Variants in PARD3 observed in about 807,000 individuals in gnomAD.
PARD3 encodes the protein par-3 family cell polarity regulator.
PARD3 carries 75 observed loss-of-function variants against 155.4 expected under a neutral mutation model. The ratio of observed to expected loss-of-function variants is 0.48; its 90% CI spans 0.40 to 0.58. The LOEUF (loss-of-function observed/expected upper bound fraction) is 0.58, where lower values mean the gene tolerates loss of function less well. Ranked by LOEUF, PARD3 falls within the 20% of genes least tolerant of loss-of-function variation. The probability of loss-of-function intolerance (pLI) is 0.00; values close to 1 mark genes in which losing one functional copy is unlikely to be tolerated. For synonymous variants in PARD3, 576 were observed against 610.5 expected, an observed-to-expected ratio of 0.94 and a Z score of 0.83; for missense variants, 1,642 against 1,721.7, an observed-to-expected ratio of 0.95 and a Z score of 0.82.
chr10:34,612,639 G>T (rs2090992798), intron 2 of PARD3, among the ~76,000 whole-genome samples: 2 of 152,126 alleles, frequency 1.3e-5, no homozygotes, highest in Admixed American at 1.3e-4. Flanking sequence ...TGGAAAACTG[G>T]GGCAACAATT....
chr10:34,476,678 C>T (rs1011168179), intron 3 of PARD3, among the ~76,000 whole-genome samples: 6 of 152,104 alleles, frequency 3.9e-5, no homozygotes, highest in Non-Finnish European at 7.4e-5. Context: ...ATACCCCCAA[C>T]CAGTGATCAT....
chr10:34,444,163 T>G (rs977198510), intron 5 of PARD3, among the ~76,000 whole-genome samples: 2 of 152,218 alleles, frequency 1.3e-5, no homozygotes, highest in Non-Finnish European at 2.9e-5. Flanking sequence ...ATGTGCCTTG[T>G]GCCTCTCTGC....
chr10:34,526,253 AC>A (rs2082475047), intron 2 of PARD3, among the ~76,000 whole-genome samples: 1 of 152,060 alleles, frequency 6.6e-6, no homozygotes, highest in Non-Finnish European at 1.5e-5. Flanking sequence ...ACAATGTTAA[AC>A]GTTAGTGAGC....
chr10:34,403,277 T>A (rs1307616102), intron 5 of PARD3, among the ~76,000 whole-genome samples: 3 of 152,200 alleles, frequency 2.0e-5, no homozygotes, highest in Non-Finnish European at 4.4e-5. Context: ...TATTGTGAAC[T>A]TTTTTCAACA....
intron 22 of PARD3, among the ~76,000 whole-genome samples, chr10:34,246,757 C>G (rs781596315): frequency 6.6e-6 from 1 of 152,064 alleles, no homozygotes; most frequent in African/African-American, 2.4e-5. Context: ...ACTGCATGGA[C>G]TGAATACCCA....
intron 20 of PARD3, among the ~76,000 whole-genome samples, chr10:34,306,115 G>A (rs1957396010): frequency 6.6e-6 from 1 of 151,790 alleles, no homozygotes; most frequent in Non-Finnish European, 1.5e-5. Context: ...CATACATAGT[G>A]AAACCCCATC....
intron 2 of PARD3, among the ~76,000 whole-genome samples, chr10:34,553,623 A>G (rs1247764568): frequency 6.6e-6 from 1 of 152,212 alleles, no homozygotes; most frequent in East Asian, 1.9e-4. Flanking sequence ...AATCACAACT[A>G]AAGACAACTC....
In PARD3 at chr10:34,802,372, G is replaced by C. The variant is rs998091397; in HGVS notation, c.120+12504C>G. 2.6e-5 allele frequency among the ~76,000 whole-genome samples: 4 copies of C among 151,974 alleles called. No individual in the cohort carries two copies. In the East Asian group the frequency reaches 7.7e-4, roughly 29 times the overall value. The stretch of plus-strand genomic sequence containing the variant: ...AGAATCAAGCTGATTTTGTGAAATA[G>C]CCATTAAAATTTTGCCTAATCTATG... On this transcript the variant is annotated intron_variant, in intron 1 of 24. Transcript: ENST00000374788.
intron 22 of PARD3, among the ~76,000 whole-genome samples, chr10:34,207,514 T>C (rs1475261326): frequency 6.6e-6 from 1 of 151,962 alleles, no homozygotes; most frequent in African/African-American, 2.4e-5. Context: ...TCAGATGGAG[T>C]GTCAGAGGTC....
intron 22 of PARD3, among the ~76,000 whole-genome samples, chr10:34,148,799 C>T (rs1428386863): frequency 2.6e-5 from 4 of 152,168 alleles, no homozygotes; most frequent in Admixed American, 2.0e-4. Context: ...GGAGACCCCA[C>T]AATCCCTTTT....
intron 15 of PARD3, chr10:34,344,089 T>A: frequency 1.0e-6 from 1 of 963,726 alleles, no homozygotes; most frequent in Non-Finnish European, 1.2e-6. Flanking sequence ...AGATAAATTC[T>A]AAAATGGATA....
intron 2 of PARD3, among the ~76,000 whole-genome samples, chr10:34,595,243 ATGT>A (rs1320364443): frequency 6.6e-5 from 10 of 152,200 alleles, no homozygotes; most frequent in African/African-American, 2.2e-4. Flanking sequence ...CTCTCATTGA[ATGT>A]TTAAGTCTTT....
At position 34,770,701 on chromosome 10, in the gene PARD3, A is replaced by C. The variant is rs1009328167; in HGVS notation, c.120+44175T>G. On this transcript the variant is annotated intron_variant, in intron 1 of 24. Transcript: ENST00000374788. ...TCCCACCACGGACCACAGGAATCTA[A>C]TCTAGAACTTTTGCTTTCAGAGTAA... Among the ~76,000 whole-genome samples the C allele has an allele frequency of 4.6e-5, 7 of 152,284 alleles. No homozygotes were observed. The East Asian group carries it at 1.3e-3, about 29-fold the overall frequency.
At chr10:34,597,945 G>C (rs2089444449) in intron 2 of PARD3, among the ~76,000 whole-genome samples, 1 of 152,174 alleles carries the variant, frequency 6.6e-6, no homozygotes, top group Admixed American at 6.5e-5. Context: ...TTAAGATTCT[G>C]AAGTAGTGGC....
rs558954124 is a variant in PARD3 at position 34,149,931 on chromosome 10, A to G, written c.3420-18348T>C. Among the ~76,000 whole-genome samples the G allele has an allele frequency of 5.9e-5, 9 of 152,278 alleles. No homozygotes were observed. In the South Asian group the frequency reaches 1.9e-3, roughly 32 times the overall value. On this transcript the variant is annotated intron_variant, in intron 22 of 24. Transcript: ENST00000374788. The stretch of plus-strand genomic sequence containing the variant: ...ATTAGGTAGTCATATCAATTTTGTA[A>G]TGTTCTTTCTATCATTTTTGTGTCC...
chr10:34,444,794 C>G (rs2076652158), intron 5 of PARD3, among the ~76,000 whole-genome samples: 1 of 152,248 alleles, frequency 6.6e-6, no homozygotes, highest in Admixed American at 6.5e-5. Flanking sequence ...CCCCAGACTT[C>G]TAGAGGGGCC....
At chr10:34,577,538 A>C (rs1175671452) in intron 2 of PARD3, among the ~76,000 whole-genome samples, 6 of 152,242 alleles carry the variant, frequency 3.9e-5, no homozygotes, top group Middle Eastern at 3.2e-3. Flanking sequence ...ACAGCATAGC[A>C]GAATGAATCC....
In PARD3 at chr10:34,506,868, T is replaced by C. The variant is rs543899000; in HGVS notation, c.403+10111A>G. Among the ~76,000 whole-genome samples, 13 of 152,356 alleles carry C rather than the reference T, an allele frequency of 8.5e-5. No homozygotes were observed. In the East Asian group the frequency reaches 1.5e-3, roughly 18 times the overall value. On this transcript the variant is annotated intron_variant, in intron 3 of 24. Transcript: ENST00000374788. ...AATATCAGTGAAAAAGAAGATTTTA[T>C]TGGTGTTATTTAAATATAGTTCTCT...
At chr10:34,719,170 T>C (rs11009888) in intron 1 of PARD3, among the ~76,000 whole-genome samples, 37,594 of 152,002 alleles carry the variant, frequency 0.25, 5,553 homozygotes, top group East Asian at 0.5. Context: ...TTTTTAGACC[T>C]GTCTGAAAAA....
Sources: gnomAD v4.1 joint callset for allele counts (sites outside exome capture counted in the v4.1 genomes callset) on GRCh38, gnomAD v4.1.1 for gene constraint, MANE v1.5 for transcripts, NCBI Gene and HGNC (gene_info 2026-07-23, HGNC 2026-07-21) for gene names.